Variants in PTPRE observed in about 807,000 individuals in gnomAD.
PTPRE encodes receptor-type tyrosine-protein phosphatase epsilon.
PTPRE carries 51 observed loss-of-function variants against 102.0 expected under a neutral mutation model. The ratio of observed to expected loss-of-function variants is 0.50; its 90% CI spans 0.40 to 0.63. The LOEUF (loss-of-function observed/expected upper bound fraction) is 0.63, where lower values mean the gene tolerates loss of function less well. Among genes scored for constraint, PTPRE ranks in the 30% least tolerant of loss-of-function variants. PTPRE has a pLI of 0.00. For synonymous variants in PTPRE, 345 were observed against 348.2 expected (o/e 0.99, Z 0.10); for missense variants, 752 against 915.1 (o/e 0.82, Z 2.30).
At chr10:127,960,263 C>T (rs1329436591) in intron 1 of PTPRE, among the ~76,000 whole-genome samples, 2 of 152,200 alleles carry the variant, frequency 1.3e-5, no homozygotes, top group African/African-American at 4.8e-5. Context: ...TCCCTGCTGC[C>T]TGTGCTGTGC....
intron 18 of PTPRE, 36 bp downstream of exon 18, chr10:128,076,764 T>C: frequency 6.2e-7 from 1 of 1,608,230 alleles, no homozygotes; most frequent in South Asian, 1.1e-5. Flanking sequence ...GCTTGTGAAT[T>C]TAGTGAACCA....
intron 1 of PTPRE, among the ~76,000 whole-genome samples, chr10:127,949,685 G>T (rs937737135): frequency 6.6e-6 from 1 of 152,164 alleles, no homozygotes; most frequent in African/African-American, 2.4e-5. Flanking sequence ...TCACATAAAT[G>T]ACCTGAGTTT....
In PTPRE at chr10:128,008,653, C is replaced by T. The variant is rs756142678; in HGVS notation, c.-8+26357C>T. On this transcript the variant is annotated intron_variant, in intron 2 of 20. Coordinates refer to ENST00000254667, the MANE Select transcript of PTPRE (RefSeq NM_006504.6). The surrounding 1 kb of genome is among the most constrained non-coding windows in gnomAD (Gnocchi z 4.0). Reference sequence around the variant, plus strand: ...GGTCTTTCTCAACTCCTGCAAGTCACGTCTTCCCAGAATCTACTGTGGTAA... The same window carrying T: ...GGTCTTTCTCAACTCCTGCAAGTCATGTCTTCCCAGAATCTACTGTGGTAA... Among the ~76,000 whole-genome samples, 3 of 152,306 alleles carry T rather than the reference C, an allele frequency of 2.0e-5. No individual in the cohort carries two copies. Among genetic ancestry groups the T allele is most frequent in the Non-Finnish European group, 4.4e-5 (3 of 68,028 alleles).
intron 1 of PTPRE, among the ~76,000 whole-genome samples, chr10:127,976,457 G>A (rs1301040227): frequency 2.0e-5 from 3 of 152,126 alleles, no homozygotes; most frequent in Non-Finnish European, 2.9e-5. Context: ...TGCCTTGGTC[G>A]GGGGAGGAGG....
At chr10:127,968,671 A>C (rs1299621355) in intron 1 of PTPRE, among the ~76,000 whole-genome samples, 2 of 152,228 alleles carry the variant, frequency 1.3e-5, no homozygotes, top group Non-Finnish European at 2.9e-5. Context: ...TTCACTGCTC[A>C]CTTGTCAAAT....
chr10:127,990,718 T>C (rs546353868), intron 2 of PTPRE, among the ~76,000 whole-genome samples: 25 of 152,328 alleles, frequency 1.6e-4, no homozygotes, highest in Non-Finnish European at 2.6e-4. Context: ...TTTTGTCATC[T>C]TCCTATGAGA....
chr10:127,999,484 G>A lies in PTPRE; in HGVS notation c.-8+17188G>A, dbSNP rs917516770. 5.2e-6 allele frequency: 5 copies of A among 959,766 alleles called. No individual in the cohort carries two copies. In the East Asian group the frequency reaches 3.5e-4, roughly 66 times the overall value. The allele number at this position is 959,766 out of a possible 1,614,324, so 59.5% of individuals were successfully genotyped here. A position where few individuals can be genotyped will look rare whatever the true frequency, so the allele number is the denominator to read the frequency against. On this transcript the variant is annotated intron_variant, in intron 2 of 20. Coordinates refer to ENST00000254667, the MANE Select transcript of PTPRE (RefSeq NM_006504.6). ...GCTGTGAATCCAACTCGTCCTGGGAGCAGGGCGCTCTCGCCTTCTGTTCCT... is the reference window on the plus strand; with the variant it reads ...GCTGTGAATCCAACTCGTCCTGGGAACAGGGCGCTCTCGCCTTCTGTTCCT...
At chr10:128,023,711 C>T (rs951497816) in intron 2 of PTPRE, among the ~76,000 whole-genome samples, 2 of 152,158 alleles carry the variant, frequency 1.3e-5, no homozygotes, top group East Asian at 3.8e-4. Flanking sequence ...ATTAGAGCCA[C>T]GGCAGTTTCT....
At chr10:127,947,277 A>G (rs1177091877) in intron 1 of PTPRE, among the ~76,000 whole-genome samples, 1 of 151,862 alleles carries the variant, frequency 6.6e-6, no homozygotes, top group Non-Finnish European at 1.5e-5. Flanking sequence ...GTGAAAACAA[A>G]ATAAATAAAA....
chr10:127,951,385 C>T (rs891280395), intron 1 of PTPRE, among the ~76,000 whole-genome samples: 5 of 152,200 alleles, frequency 3.3e-5, no homozygotes, highest in African/African-American at 9.6e-5. Flanking sequence ...ACCATGGTAA[C>T]TGTGTGCTGG....
At chr10:127,927,873 C>G (rs1847146890) in intron 1 of PTPRE, among the ~76,000 whole-genome samples, 1 of 152,084 alleles carries the variant, frequency 6.6e-6, no homozygotes. Flanking sequence ...TAATGAATGA[C>G]TCATTATTTA....
At chr10:127,990,079 A>C (rs1224542687) in intron 2 of PTPRE, among the ~76,000 whole-genome samples, 2 of 152,130 alleles carry the variant, frequency 1.3e-5, no homozygotes, top group Admixed American at 6.5e-5. Context: ...CTAAGTATAA[A>C]TGTGTGTTTT....
In PTPRE at chr10:128,032,434, C is replaced by T. The variant is rs540919226; in HGVS notation, c.-7-8441C>T. On this transcript the variant is annotated intron_variant, in intron 2 of 20. Transcript: ENST00000254667. ...GTGCTCTCCTCATAGGATGGAGACACCTGTGTAGGGAACAGGCTCTCTTTA... is the reference window on the plus strand; with the variant it reads ...GTGCTCTCCTCATAGGATGGAGACATCTGTGTAGGGAACAGGCTCTCTTTA... Among the ~76,000 whole-genome samples, 5 of 152,330 alleles carry T rather than the reference C, an allele frequency of 3.3e-5. No homozygotes were observed. In the East Asian group the frequency reaches 7.7e-4, roughly 23 times the overall value.
At chr10:127,965,082 C>T in intron 1 of PTPRE, 1 of 452,172 alleles carries the variant, frequency 2.2e-6, no homozygotes, top group Admixed American at 2.4e-5. Flanking sequence ...TTCTAAAATT[C>T]AGTCCAATTC....
chr10:128,063,100 G>A lies in PTPRE; in HGVS notation c.643G>A (p.Val215Ile). 1 of 1,614,204 alleles carries A rather than the reference G, an allele frequency of 6.2e-7. No homozygotes were observed. The highest frequency in any genetic ancestry group is 8.5e-7 in the Non-Finnish European group (1 of 1,180,034). ...IAAQGPKQET[V>I]NDFWRMVWEQ... ...ACACACAGGTCCCAAACAGGAAACGGTTAACGACTTCTGGAGAATGGTCTG... is the reference window on the plus strand; with the variant it reads ...ACACACAGGTCCCAAACAGGAAACGATTAACGACTTCTGGAGAATGGTCTG... The change falls in exon 10 of 21, where the codon GTT (valine) becomes ATT (isoleucine). Residue 215 changes from valine to isoleucine, a missense_variant. This residue lies in a region of PTPRE where 636 missense variants were observed against 824.4 expected (regional missense o/e 0.77). Transcript: ENST00000254667.
chr10:128,009,252 T>C (rs1288698605), intron 2 of PTPRE, among the ~76,000 whole-genome samples: 1 of 152,230 alleles, frequency 6.6e-6, no homozygotes, highest in East Asian at 1.9e-4. Context: ...ATAAGAGAAA[T>C]AAAATGGATT....
chr10:128,011,979 A>G (rs748261308), intron 2 of PTPRE, among the ~76,000 whole-genome samples: 2 of 152,228 alleles, frequency 1.3e-5, no homozygotes, highest in Non-Finnish European at 2.9e-5. Context: ...GAGACAGATG[A>G]CATGCCCAGG....
At chr10:128,043,373 C>T (rs1220245514) in intron 3 of PTPRE, among the ~76,000 whole-genome samples, 1 of 152,198 alleles carries the variant, frequency 6.6e-6, no homozygotes, top group African/African-American at 2.4e-5. Flanking sequence ...AGATCCCTGG[C>T]ATGCGCAGTT....
At chr10:127,915,820 AACTT>A (rs1846165740) in intron 1 of PTPRE, among the ~76,000 whole-genome samples, 1 of 152,170 alleles carries the variant, frequency 6.6e-6, no homozygotes, top group Admixed American at 6.5e-5. Flanking sequence ...GAGGATCTAT[AACTT>A]ATGATGGTTT....
Sources: allele counts gnomAD v4.1 joint callset (sites outside exome capture counted in the v4.1 genomes callset), GRCh38; gene constraint gnomAD v4.1.1; regional missense constraint gnomAD v4.1.1; non-coding constraint Gnocchi (gnomAD v3.1); transcripts MANE v1.5; gene names NCBI Gene and HGNC (gene_info 2026-07-23, HGNC 2026-07-21).